Variants in ZDHHC14 observed in about 807,000 individuals in gnomAD.
ZDHHC14 encodes palmitoyltransferase ZDHHC14.
Under a neutral mutation model 47.7 loss-of-function variants are expected in ZDHHC14, and 16 were observed. The ratio of observed to expected loss-of-function variants is 0.34; its 90% CI spans 0.23 to 0.51. ZDHHC14 has a LOEUF of 0.51. Ranked by LOEUF, ZDHHC14 falls within the 20% of genes least tolerant of loss-of-function variation. The probability of loss-of-function intolerance (pLI) is 0.97; values close to 1 mark genes in which losing one functional copy is unlikely to be tolerated. For synonymous variants in ZDHHC14, 293 were observed against 278.9 expected (o/e 1.05, Z -0.50); for missense variants, 515 against 662.5 (o/e 0.78, Z 2.44).
intron 3 of ZDHHC14, 151 bp from the exon 4 acceptor site, chr6:157,628,198 T>A (rs1785513794): frequency 1.5e-5 from 12 of 819,826 alleles, no homozygotes; most frequent in Non-Finnish European, 2.2e-5. Flanking sequence ...ATGAGAAACA[T>A]TTCTCTGAGT....
chr6:157,457,967 T>A (rs980384372), intron 1 of ZDHHC14, among the ~76,000 whole-genome samples: 1 of 152,132 alleles, frequency 6.6e-6, no homozygotes, highest in Non-Finnish European at 1.5e-5. Context: ...GATAACCAAC[T>A]CATAAAAGGC....
chr6:157,468,760 A>G (rs1779283696), intron 1 of ZDHHC14, among the ~76,000 whole-genome samples: 1 of 152,210 alleles, frequency 6.6e-6, no homozygotes, highest in South Asian at 2.1e-4. Flanking sequence ...CAGTAGGAGT[A>G]ATTTATTGAG....
At chr6:157,614,975 A>C (rs1025150348) in intron 3 of ZDHHC14, among the ~76,000 whole-genome samples, 4 of 151,814 alleles carry the variant, frequency 2.6e-5, no homozygotes, top group Non-Finnish European at 5.9e-5. Flanking sequence ...CACTATGTTG[A>C]CCAAGCTCGT....
intron 1 of ZDHHC14, among the ~76,000 whole-genome samples, chr6:157,470,679 G>GA (rs1307564891): frequency 1.3e-5 from 2 of 152,030 alleles, no homozygotes; most frequent in Non-Finnish European, 2.9e-5. Context: ...AAAAACTTCA[G>GA]AAAAATATCC....
intron 8 of ZDHHC14, among the ~76,000 whole-genome samples, chr6:157,668,544 A>G (rs553397962): frequency 9.9e-4 from 140 of 140,846 alleles, no homozygotes; most frequent in Non-Finnish European, 1.7e-3. Flanking sequence ...AAAAAAAAAT[A>G]CAAAAATTAG....
At chr6:157,449,947 C>T (rs936191434) in intron 1 of ZDHHC14, among the ~76,000 whole-genome samples, 5 of 152,096 alleles carry the variant, frequency 3.3e-5, no homozygotes, top group African/African-American at 4.8e-5. Context: ...CCTGGTCTGT[C>T]GTATTCTCCC....
At chr6:157,605,565 G>A (rs546409819) in intron 3 of ZDHHC14, among the ~76,000 whole-genome samples, 66 of 152,298 alleles carry the variant, frequency 4.3e-4, no homozygotes, top group African/African-American at 1.5e-3. Flanking sequence ...ACTTGACTCC[G>A]ATCAGACAGC....
intron 2 of ZDHHC14, 125 bp from the exon 3 acceptor site, chr6:157,592,863 G>A: frequency 6.7e-7 from 1 of 1,489,416 alleles, no homozygotes; most frequent in Non-Finnish European, 8.9e-7. Context: ...GGTAAACCGT[G>A]GGCACCGGGG....
At position 157,422,660 on chromosome 6, in the gene ZDHHC14, G is replaced by A. The variant is rs148915875; in HGVS notation, c.245+40394G>A. On this transcript the variant is annotated intron_variant, in intron 1 of 8. Coordinates refer to ENST00000359775, the MANE Select transcript of ZDHHC14 (RefSeq NM_024630.3). ...TTAATGATTTTTAAAGATGCCCCAT[G>A]TTTTAAGGTTTCTACTCTCCATGAT... is the stretch of plus-strand genomic sequence containing the variant. 2.2e-3 allele frequency among the ~76,000 whole-genome samples: 342 copies of A among 152,306 alleles called. 5 individuals are homozygous for A. The highest frequency in any genetic ancestry group is 8.1e-3 in the East Asian group (42 of 5,184).
chr6:157,527,742 A>G (rs1024693425), intron 1 of ZDHHC14, among the ~76,000 whole-genome samples: 1 of 152,216 alleles, frequency 6.6e-6, no homozygotes, highest in African/African-American at 2.4e-5. Flanking sequence ...GCAGCCATGT[A>G]ACGGTCTCTC....
At chr6:157,405,865 A>T (rs1777748467) in intron 1 of ZDHHC14, among the ~76,000 whole-genome samples, 2 of 152,194 alleles carry the variant, frequency 1.3e-5, no homozygotes, top group African/African-American at 4.8e-5. Context: ...GTAATGATTT[A>T]GTGTGATGGA....
At chr6:157,656,196 A>G (rs532984762) in intron 8 of ZDHHC14, among the ~76,000 whole-genome samples, 10 of 152,284 alleles carry the variant, frequency 6.6e-5, no homozygotes, top group South Asian at 4.2e-4. Flanking sequence ...GTCACCTTCC[A>G]AATAACTAGT....
At chr6:157,515,597 G>A (rs1583736915) in intron 1 of ZDHHC14, among the ~76,000 whole-genome samples, 2 of 151,710 alleles carry the variant, frequency 1.3e-5, no homozygotes, top group South Asian at 4.2e-4. Flanking sequence ...CGGAGTAGCT[G>A]GGATTACAGG....
At chr6:157,547,923 G>A (rs1333136310) in intron 2 of ZDHHC14, among the ~76,000 whole-genome samples, 2 of 150,810 alleles carry the variant, frequency 1.3e-5, no homozygotes. Context: ...ATTTTCTGTT[G>A]TCAATATTCA....
chr6:157,652,988 G>C (rs1489343417), intron 7 of ZDHHC14, among the ~76,000 whole-genome samples: 1 of 152,174 alleles, frequency 6.6e-6, no homozygotes, highest in African/African-American at 2.4e-5. Context: ...AGAGCAGAGG[G>C]GCAGGAAAAG....
At chr6:157,403,151 C>T (rs1242815917) in intron 1 of ZDHHC14, among the ~76,000 whole-genome samples, 1 of 152,234 alleles carries the variant, frequency 6.6e-6, no homozygotes, top group Non-Finnish European at 1.5e-5. Flanking sequence ...CACCTGCTCT[C>T]ATTAAAGATG....
chr6:157,392,351 A>G (rs1291665097), intron 1 of ZDHHC14, among the ~76,000 whole-genome samples: 1 of 152,120 alleles, frequency 6.6e-6, no homozygotes, highest in Admixed American at 6.6e-5. Flanking sequence ...TGATTTTAAA[A>G]GAAAGTTAAT....
At chr6:157,629,778 CA>C (rs1785593752) in intron 4 of ZDHHC14, 1 of 152,162 alleles carries the variant, frequency 6.6e-6, no homozygotes, top group Non-Finnish European at 1.5e-5. Context: ...AGGATGCAGA[CA>C]GGGGCACCCT....
intron 2 of ZDHHC14, among the ~76,000 whole-genome samples, chr6:157,577,969 T>C (rs1299299942): frequency 1.3e-5 from 2 of 152,274 alleles, no homozygotes; most frequent in Non-Finnish European, 2.9e-5. Context: ...TTTTTTCATA[T>C]GCTTGTTAAC....
Sources: allele counts gnomAD v4.1 joint callset (sites outside exome capture counted in the v4.1 genomes callset), GRCh38; gene constraint gnomAD v4.1.1; transcripts MANE v1.5; gene names NCBI Gene and HGNC (gene_info 2026-07-23, HGNC 2026-07-21).